NKAIN3: variants seen among roughly 807,000 people sequenced by gnomAD.
NKAIN3 encodes the protein sodium/potassium transporting ATPase interacting 3, also known as sodium/potassium-transporting ATPase subunit beta-1-interacting protein 3.
A neutral mutation model predicts 30.2 loss-of-function variants in NKAIN3; 25 were observed. The ratio of observed to expected loss-of-function variants is 0.83; its 90% CI spans 0.60 to 1.16. The LOEUF is 1.16. NKAIN3 is among the 50% of genes most tolerant of loss of function. The pLI is 0.00. For synonymous variants in NKAIN3, 91 were observed against 89.6 expected, an observed-to-expected ratio of 1.02 and a Z score of -0.09; for missense variants, 225 against 254.1, an observed-to-expected ratio of 0.89 and a Z score of 0.78.
At chr8:62,943,758 T>C (rs1424168222) in intron 5 of NKAIN3, among the ~76,000 whole-genome samples, 1 of 144,786 alleles carries the variant, frequency 6.9e-6, no homozygotes, top group Admixed American at 7.0e-5. Context: ...ATTTATATGA[T>C]ATATTATATT....
intron 1 of NKAIN3, among the ~76,000 whole-genome samples, chr8:62,569,556 A>G (rs1006971872): frequency 5.3e-5 from 8 of 152,162 alleles, no homozygotes; most frequent in African/African-American, 1.9e-4. Flanking sequence ...TGGGCAGATT[A>G]TTTGAGGCCA....
At chr8:62,282,120 TCAAGCCGACCCCAGAC>T (rs1317907808) in intron 1 of NKAIN3, among the ~76,000 whole-genome samples, 1 of 152,110 alleles carries the variant, frequency 6.6e-6, no homozygotes, top group Non-Finnish European at 1.5e-5. Flanking sequence ...CAGTTTACTC[TCAAGCCGACCCCAGAC>T]CCTGGGTTTC....
At chr8:62,359,307 G>T (rs1380356051) in intron 1 of NKAIN3, among the ~76,000 whole-genome samples, 3 of 152,172 alleles carry the variant, frequency 2.0e-5, no homozygotes, top group Non-Finnish European at 2.9e-5. Context: ...TTATGTACCT[G>T]GTTTAGAAAC....
At chr8:62,323,531 A>T (rs533739572) in intron 1 of NKAIN3, among the ~76,000 whole-genome samples, 1 of 152,350 alleles carries the variant, frequency 6.6e-6, no homozygotes, top group African/African-American at 2.4e-5. Flanking sequence ...GTGTCCTCGC[A>T]GAAGTATTTT....
At chr8:62,307,267 C>CA (rs10598782) in intron 1 of NKAIN3, among the ~76,000 whole-genome samples, 3,874 of 107,916 alleles carry the variant, frequency 0.036, 114 homozygotes, top group Non-Finnish European at 0.044. Flanking sequence ...TCTCTTCTAG[C>CA]AAAAAAAAAA....
intron 1 of NKAIN3, among the ~76,000 whole-genome samples, chr8:62,360,842 CTT>C (rs542753523): frequency 1.5e-3 from 224 of 152,196 alleles, no homozygotes; most frequent in Non-Finnish European, 2.7e-3. Context: ...AGTTAGCTCT[CTT>C]GTTGAATTGA....
intron 4 of NKAIN3, among the ~76,000 whole-genome samples, chr8:62,779,643 C>A (rs1817297219): frequency 6.6e-6 from 1 of 152,118 alleles, no homozygotes; most frequent in African/African-American, 2.4e-5. Context: ...ATATTTTGTG[C>A]AACATTGTCA....
At chr8:62,798,970 A>G (rs1488450455) in intron 4 of NKAIN3, among the ~76,000 whole-genome samples, 2 of 152,136 alleles carry the variant, frequency 1.3e-5, no homozygotes. Flanking sequence ...CAAGGCAGTA[A>G]CCAGATGGGG....
chr8:62,627,612 A>T (rs1163512575), intron 3 of NKAIN3, among the ~76,000 whole-genome samples: 1 of 152,132 alleles, frequency 6.6e-6, no homozygotes, highest in Non-Finnish European at 1.5e-5. Flanking sequence ...GTTCATCAAG[A>T]TGACTGAGAG....
intron 1 of NKAIN3, among the ~76,000 whole-genome samples, chr8:62,578,635 G>T (rs1810194680): frequency 6.8e-6 from 1 of 147,458 alleles, no homozygotes; most frequent in Non-Finnish European, 1.5e-5. Flanking sequence ...AGAAAGCAGG[G>T]ATAGGTAGAA....
chr8:62,573,779 T>A (rs923278124), intron 1 of NKAIN3, among the ~76,000 whole-genome samples: 1 of 152,130 alleles, frequency 6.6e-6, no homozygotes, highest in African/African-American at 2.4e-5. Flanking sequence ...TATAGACTTA[T>A]GGGGTACATG....
intron 3 of NKAIN3, among the ~76,000 whole-genome samples, chr8:62,670,448 C>T (rs28728121): frequency 0.021 from 3,121 of 152,138 alleles, 98 homozygotes; most frequent in African/African-American, 0.071. Context: ...TCCGACACAA[C>T]GAAGAAAGCA....
chr8:62,900,564 A>G (rs1821583337), intron 4 of NKAIN3, among the ~76,000 whole-genome samples: 1 of 152,168 alleles, frequency 6.6e-6, no homozygotes, highest in Non-Finnish European at 1.5e-5. Flanking sequence ...ATTTTCTCAT[A>G]CATAGAATAA....
intron 1 of NKAIN3, among the ~76,000 whole-genome samples, chr8:62,382,705 G>A (rs1269602513): frequency 6.6e-6 from 1 of 151,996 alleles, no homozygotes; most frequent in African/African-American, 2.4e-5. Context: ...TCATTTTCTG[G>A]CACTGGTTTG....
intron 5 of NKAIN3, among the ~76,000 whole-genome samples, chr8:62,924,212 C>A (rs1822369854): frequency 6.6e-6 from 1 of 152,154 alleles, no homozygotes; most frequent in South Asian, 2.1e-4. Flanking sequence ...TGTTGACCCA[C>A]TAACTTATAT....
At chr8:62,729,015 C>A (rs374523818) in intron 3 of NKAIN3, among the ~76,000 whole-genome samples, 2 of 12,722 alleles carry the variant, frequency 1.6e-4, no homozygotes, top group Non-Finnish European at 2.8e-4. Context: ...CAAAACAAAA[C>A]AAACAAACCA....
At chr8:62,749,778 G>A (rs964126501) in intron 4 of NKAIN3, among the ~76,000 whole-genome samples, 1 of 148,298 alleles carries the variant, frequency 6.7e-6, no homozygotes. Flanking sequence ...CGCTTCCCAG[G>A]TTCAAGTGAT....
chr8:62,348,096 A>G (rs1256238970), intron 1 of NKAIN3, among the ~76,000 whole-genome samples: 1 of 152,126 alleles, frequency 6.6e-6, no homozygotes. Flanking sequence ...ATCCATCTGC[A>G]GCCTTGATCC....
chr8:62,791,158 G>A (rs1245907429), intron 4 of NKAIN3, among the ~76,000 whole-genome samples: 5 of 152,026 alleles, frequency 3.3e-5, no homozygotes, highest in Admixed American at 3.3e-4. Context: ...CAAAGGATGA[G>A]AATACAGTTT....
Sources: allele counts gnomAD v4.1 joint callset (sites outside exome capture counted in the v4.1 genomes callset), GRCh38; gene constraint gnomAD v4.1.1; transcripts MANE v1.5; gene names NCBI Gene and HGNC (gene_info 2026-07-23, HGNC 2026-07-21).